The following CDH4 variants were observed in gnomAD, a reference collection of about 807,000 sequenced individuals.
CDH4 encodes the protein cadherin 4.
CDH4 carries 33 observed loss-of-function variants against 86.0 expected under a neutral mutation model. The ratio of observed to expected loss-of-function variants is 0.38; its 90% CI spans 0.29 to 0.51. The LOEUF (loss-of-function observed/expected upper bound fraction) is 0.51, where lower values mean the gene tolerates loss of function less well. CDH4 is among the 20% of genes least tolerant of loss of function. The pLI is 0.86. For missense variants in CDH4, 1,114 were observed against 1,307.4 expected (o/e 0.85, Z 2.28); for synonymous variants, 555 against 549.4 (o/e 1.01, Z -0.14).
At position 61,765,256 on chromosome 20, in the gene CDH4, C is replaced by T. The variant is rs192866921; in HGVS notation, c.397-7747C>T. On this transcript the variant is annotated intron_variant, in intron 3 of 15. Transcript: ENST00000614565. ...CCCGAGGATGGACCTCCCACAGCCT[C>T]GTGTAAGTAAGAGGCGGGAGTGGTG... Among the ~76,000 whole-genome samples, 15 of 152,228 alleles carry T rather than the reference C, an allele frequency of 9.9e-5. No homozygotes were observed. The East Asian group carries it at 2.9e-3, about 29-fold the overall frequency.
intron 8 of CDH4, among the ~76,000 whole-genome samples, chr20:61,896,866 G>T (rs112632504): frequency 0.012 from 1,817 of 152,308 alleles, 40 homozygotes; most frequent in African/African-American, 0.041. Context: ...TGGCCGGACA[G>T]CCCCAGCTGT....
Position 61,857,977 on chromosome 20 carries a change from GTGTC to G in CDH4, c.877+5082_877+5085del, listed in dbSNP as rs544185908. On this transcript the variant is annotated intron_variant, in intron 6 of 15. Transcript: ENST00000614565. ...TCTGTGTGTGTCTCTGTGTGTCTCTGTGTCTGAGTGTGTGTGTCTCTGTGTGTCT... is the reference window on the plus strand; with the variant it reads ...TCTGTGTGTGTCTCTGTGTGTCTCTGTGAGTGTGTGTGTCTCTGTGTGTCT... Among the ~76,000 whole-genome samples, 415 of 151,882 alleles carry G rather than the reference GTGTC, an allele frequency of 2.7e-3. 2 individuals are homozygous for G. The highest frequency in any genetic ancestry group is 4.4e-3 in the Non-Finnish European group (299 of 67,898).
chr20:61,928,680 C>G (rs903175134), intron 12 of CDH4, among the ~76,000 whole-genome samples: 1 of 152,236 alleles, frequency 6.6e-6, no homozygotes, highest in Non-Finnish European at 1.5e-5. Flanking sequence ...CAGCTCTGCC[C>G]ATGTACATCC....
At chr20:61,546,827 G>A (rs73914841) in intron 2 of CDH4, among the ~76,000 whole-genome samples, 3,126 of 152,198 alleles carry the variant, frequency 0.021, 89 homozygotes, top group African/African-American at 0.071. Flanking sequence ...GCTGGGCGCC[G>A]ACGCGGTGCC....
intron 3 of CDH4, among the ~76,000 whole-genome samples, chr20:61,744,449 GGA>G (rs113581527): frequency 0.046 from 3,234 of 70,700 alleles, 724 homozygotes; most frequent in East Asian, 0.096. Context: ...AGGAAGAGAG[GGA>G]GAGAGAGAAG....
chr20:61,267,844 G>A lies in CDH4; in HGVS notation c.169+12907G>A, dbSNP rs1275186752. 4.6e-5 allele frequency among the ~76,000 whole-genome samples: 7 copies of A among 152,234 alleles called. 1 individual carries two copies. In the South Asian group the frequency reaches 1.0e-3, roughly 23 times the overall value. ...TCTCTGCCCAAAACCGCTTTACTGTGGAAATGCAAAAATATTTTATTTCTG... is the reference window on the plus strand; with the variant it reads ...TCTCTGCCCAAAACCGCTTTACTGTAGAAATGCAAAAATATTTTATTTCTG... On this transcript the variant is annotated intron_variant, in intron 2 of 15. Coordinates refer to ENST00000614565, the MANE Select transcript of CDH4 (RefSeq NM_001794.5).
intron 8 of CDH4, among the ~76,000 whole-genome samples, chr20:61,905,449 C>G (rs1291495582): frequency 6.6e-6 from 1 of 152,198 alleles, no homozygotes; most frequent in Non-Finnish European, 1.5e-5. Context: ...CAGACAACAC[C>G]AGGACCCACC....
chr20:61,871,842 C>T (rs57012093), intron 6 of CDH4, among the ~76,000 whole-genome samples: 9,504 of 152,260 alleles, frequency 0.062, 485 homozygotes, highest in African/African-American at 0.14. Flanking sequence ...CTCCTGCCTC[C>T]GCTTGTTTTT....
chr20:61,707,292 G>A (rs937442620), intron 2 of CDH4, among the ~76,000 whole-genome samples: 5 of 152,260 alleles, frequency 3.3e-5, no homozygotes, highest in East Asian at 1.9e-4. Flanking sequence ...CACATTTATG[G>A]GACAAGGAAA....
chr20:61,265,968 A>C (rs1156987384), intron 2 of CDH4, among the ~76,000 whole-genome samples: 1 of 152,180 alleles, frequency 6.6e-6, no homozygotes, highest in African/African-American at 2.4e-5. Flanking sequence ...CCACAGGGTG[A>C]ACTGCCTGGG....
At chr20:61,660,449 C>T (rs1299472752) in intron 2 of CDH4, among the ~76,000 whole-genome samples, 1 of 152,172 alleles carries the variant, frequency 6.6e-6, no homozygotes, top group Non-Finnish European at 1.5e-5. Flanking sequence ...CAGGTGACGC[C>T]GGGACTCGCT....
At chr20:61,285,105 G>C (rs972223416) in intron 2 of CDH4, among the ~76,000 whole-genome samples, 1 of 149,836 alleles carries the variant, frequency 6.7e-6, no homozygotes, top group South Asian at 2.1e-4. Flanking sequence ...TTGTTTGTTT[G>C]TTTTCAGCAC....
chr20:61,396,801 G>C (rs1434057577), intron 2 of CDH4, among the ~76,000 whole-genome samples: 1 of 152,232 alleles, frequency 6.6e-6, no homozygotes, highest in South Asian at 2.1e-4. Context: ...GGGAGATGCC[G>C]GGGGCTGGAA....
chr20:61,252,394 C>T lies in CDH4; in HGVS notation c.-120C>T. On this transcript the variant is annotated 5_prime_UTR_variant, in exon 1 of 16. Transcript: ENST00000614565. The surrounding 1 kb of genome is among the most constrained non-coding windows in gnomAD (Gnocchi z 4.4). ...AGCGGGGCTGGAGGCTCCGGGCAGGCGCGGGGGAGCGGCGGCGGCGGCGGC... is the reference window on the plus strand; with the variant it reads ...AGCGGGGCTGGAGGCTCCGGGCAGGTGCGGGGGAGCGGCGGCGGCGGCGGC... The T allele has an allele frequency of 3.0e-6, 1 of 336,186 alleles. No individual in the cohort carries two copies. The highest frequency in any genetic ancestry group is 4.2e-6 in the Non-Finnish European group (1 of 240,264). The allele number at this position is 336,186 out of a possible 1,614,324, so 20.8% of individuals were successfully genotyped here.
rs1473556213 is a variant in CDH4, at chr20:61,810,287, C to T, written c.577-34381C>T. Among the ~76,000 whole-genome samples, 2 of 152,204 alleles carry T rather than the reference C, an allele frequency of 1.3e-5. No homozygotes were observed. The highest frequency in any genetic ancestry group is 2.9e-5 in the Non-Finnish European group (2 of 68,022). ...GGTATGGCCACATGTGGCTATCCAC[C>T]GGGCCAGTCGGGGCGGCTGTGCCAG... On this transcript the variant is annotated intron_variant, in intron 4 of 15. Coordinates refer to ENST00000614565, the MANE Select transcript of CDH4 (RefSeq NM_001794.5). This position sits in a 1 kb window ranked among gnomAD's most constrained non-coding sequence, Gnocchi z 4.3.
intron 2 of CDH4, among the ~76,000 whole-genome samples, chr20:61,702,737 C>T (rs919625621): frequency 6.6e-6 from 1 of 152,242 alleles, no homozygotes; most frequent in African/African-American, 2.4e-5. Flanking sequence ...CAGGCAATGT[C>T]ACCTGTAGAA....
At chr20:61,763,410 A>C (rs1539470) in intron 3 of CDH4, among the ~76,000 whole-genome samples, 33,617 of 152,062 alleles carry the variant, frequency 0.22, 3,892 homozygotes, top group Admixed American at 0.24. Context: ...ATTCAAGAGG[A>C]CTGCTCTGGC....
intron 2 of CDH4, among the ~76,000 whole-genome samples, chr20:61,294,606 A>G (rs193050524): frequency 6.4e-4 from 98 of 152,188 alleles, no homozygotes; most frequent in Non-Finnish European, 1.0e-3. Flanking sequence ...GACCCCACAC[A>G]TGCTGGACAC....
chr20:61,551,100 C>T (rs924337489), intron 2 of CDH4, among the ~76,000 whole-genome samples: 1 of 152,188 alleles, frequency 6.6e-6, no homozygotes, highest in African/African-American at 2.4e-5. Flanking sequence ...CCCTTCTCCT[C>T]GGGATCGATA....
Sources: allele counts gnomAD v4.1 joint callset (sites outside exome capture counted in the v4.1 genomes callset), GRCh38; gene constraint gnomAD v4.1.1; non-coding constraint Gnocchi (gnomAD v3.1); transcripts MANE v1.5; gene names NCBI Gene and HGNC (gene_info 2026-07-23, HGNC 2026-07-21).